The following SHOX variants were observed in gnomAD, a reference collection of about 807,000 sequenced individuals.
SHOX encodes the protein short stature homeobox protein.
Under a neutral mutation model 29.6 loss-of-function variants are expected in SHOX, and 12 were observed. That is an observed-to-expected ratio of 0.41 (90% CI 0.26 to 0.66). SHOX has a LOEUF of 0.66. Among genes scored for constraint, SHOX ranks in the 30% least tolerant of loss-of-function variants. The probability of loss-of-function intolerance (pLI) is 0.35; values close to 1 mark genes in which losing one functional copy is unlikely to be tolerated. For synonymous variants in SHOX, 214 were observed against 200.6 expected (o/e 1.07, Z -0.57); for missense variants, 499 against 437.7 (o/e 1.14, Z -1.25).
chrX:649,576 C>A lies in SHOX; in HGVS notation c.*4940C>A, dbSNP rs1045306162. On this transcript the variant is annotated 3_prime_UTR_variant, in exon 5 of 5. Transcript: ENST00000686671. ...ACAAGGTTCTTTTGAAAGTCACGTTCCTGCTTTCCCTGTGGCTTCCCGGTG... is the reference window on the plus strand; with the variant it reads ...ACAAGGTTCTTTTGAAAGTCACGTTACTGCTTTCCCTGTGGCTTCCCGGTG... Among the ~76,000 whole-genome samples the A allele has an allele frequency of 2.6e-5, 4 of 152,172 alleles. No individual in the cohort carries two copies. The highest frequency in any genetic ancestry group is 7.2e-5 in the African/African-American group (3 of 41,450).
At chrX:656,467 T>C (rs1466300928), downstream of SHOX, among the ~76,000 whole-genome samples, 1 of 152,016 alleles carries the variant, frequency 6.6e-6, no homozygotes, top group Admixed American at 6.5e-5. Context: ...CCCGGTACTC[T>C]GGGAGGCTGA....
At position 651,408 on chromosome X, in the gene SHOX, A is replaced by G. The variant is rs1454955600; in HGVS notation, c.*6772A>G. On this transcript the variant is annotated 3_prime_UTR_variant, in exon 5 of 5. Transcript: ENST00000686671. ...GGGGTAGAAAAAAAACAAACAAACA[A>G]ACAGAAAAAAAAACCAAAAAAAACC... is the stretch of plus-strand genomic sequence containing the variant. 7.0e-6 allele frequency: 3 copies of G among 425,876 alleles called. No individual in the cohort carries two copies. The East Asian group carries it at 2.1e-4, about 30-fold the overall frequency. The allele number at this position is 425,876 out of a possible 1,614,324, so 26.4% of individuals were successfully genotyped here.
At chrX:636,265 AATATATAAACATAT>A (rs1294168158) in intron 2 of SHOX, among the ~76,000 whole-genome samples, 7 of 145,004 alleles carry the variant, frequency 4.8e-5, no homozygotes, top group Non-Finnish European at 1.0e-4. Flanking sequence ...TATAAACATA[AATATATAAACATAT>A]ATAATATATA....
At chrX:630,723 G>A (rs1348335718), upstream of SHOX, 1 of 775,164 alleles carries the variant, frequency 1.3e-6, no homozygotes, top group Admixed American at 2.4e-5. Context: ...AATTGCACCA[G>A]ACAGGCAGCG....
upstream of SHOX, chrX:630,760 G>T (rs375938368): frequency 2.3e-5 from 26 of 1,121,552 alleles, no homozygotes; most frequent in African/African-American, 1.9e-4. Context: ...AGGTCGCCGC[G>T]TATAAATAGT....
chrX:639,087 G>A (rs1452867434), intron 2 of SHOX, among the ~76,000 whole-genome samples: 3 of 152,224 alleles, frequency 2.0e-5, no homozygotes, highest in African/African-American at 7.2e-5. Context: ...TCAATACTGG[G>A]AGAGCAGAGG....
chrX:651,747 T>A (rs1054488925), downstream of SHOX, among the ~76,000 whole-genome samples: 18 of 151,722 alleles, frequency 1.2e-4, no homozygotes, highest in Middle Eastern at 3.4e-3. Context: ...CCCCCCAGCC[T>A]TAGATCGGGA....
In SHOX at chrX:648,706, G is replaced by A. The variant is rs2052999363; in HGVS notation, c.*4070G>A. On this transcript the variant is annotated 3_prime_UTR_variant, in exon 5 of 5. Coordinates refer to ENST00000686671, the MANE Select transcript of SHOX (RefSeq NM_000451.4). ...TGTCTGTGGACACTGGCTGCCTTTG[G>A]CTTTTCTCCTGCGAGAGAAGTTGGG... Among the ~76,000 whole-genome samples, 1 of 152,188 alleles carries A rather than the reference G, an allele frequency of 6.6e-6. No homozygotes were observed. Among genetic ancestry groups the A allele is most frequent in the Non-Finnish European group, 1.5e-5 (1 of 68,034 alleles).
chrX:635,833 TG>T (rs2052735641), intron 2 of SHOX, among the ~76,000 whole-genome samples: 1 of 148,246 alleles, frequency 6.7e-6, no homozygotes, highest in Non-Finnish European at 1.5e-5. Context: ...CTCCTGGTTC[TG>T]GGCAGGACAG....
rs373708382 is a variant in SHOX, at chrX:641,959, T to C, written c.633+872T>C. 1.2e-3 allele frequency among the ~76,000 whole-genome samples: 180 copies of C among 152,256 alleles called. 1 individual carries two copies. Among genetic ancestry groups the C allele is most frequent in the African/African-American group, 4.1e-3 (170 of 41,580 alleles). ...GGCCCCTGGCCCCTGGCTTGGGCTC[T>C]GCACCTCTGAGCTGGAGACACCCTA... On this transcript the variant is annotated intron_variant, in intron 4 of 4. Coordinates refer to ENST00000686671, the MANE Select transcript of SHOX (RefSeq NM_000451.4).
At chrX:631,676 CAT>C (rs2052652515) in intron 1 of SHOX, among the ~76,000 whole-genome samples, 1 of 152,222 alleles carries the variant, frequency 6.6e-6, no homozygotes, top group Non-Finnish European at 1.5e-5. Context: ...GGATTACAGG[CAT>C]GCACCACCAC....
At position 644,398 on chromosome X, in the gene SHOX, C is replaced by A; in HGVS notation, c.641C>A (p.Ala214Asp). 1 of 1,522,842 alleles carries A rather than the reference C, an allele frequency of 6.6e-7. No homozygotes were observed. Among genetic ancestry groups the A allele is most frequent in the African/African-American group, 1.4e-5 (1 of 70,744 alleles). The allele number at this position is 1,522,842 out of a possible 1,614,324, so 94.3% of individuals were successfully genotyped here. Reference sequence around the variant, plus strand: ...CCGGGTCCGCTCCCGCAGGTCCAGGCTCAGCTGCAGCTGGAAGGCGTGGCC... The same window carrying A: ...CCGGGTCCGCTCCCGCAGGTCCAGGATCAGCTGCAGCTGGAAGGCGTGGCC... ...ALRMPFQQVQAQLQLEGVAHA... is the reference protein window; with the variant it reads ...ALRMPFQQVQDQLQLEGVAHA... Residue 214 changes from alanine (A) to aspartate (D), a missense_variant, in exon 5 of 5, where the codon GCT (alanine) becomes GAT (aspartate). Transcript: ENST00000686671.
At chrX:643,313 G>GGCGGGAGAGGCTTGGGGACCTGGTGTC in intron 4 of SHOX, among the ~76,000 whole-genome samples, 1 of 103,242 alleles carries the variant, frequency 9.7e-6, no homozygotes, top group South Asian at 3.5e-4. Flanking sequence ...GATCTGGTGA[G>GGCGGGAGAGGCTTGGGGACCTGGTGTC]CCGGGAGAGG....
rs779751173 is a variant in SHOX at position 650,333 on chromosome X, C to T, written c.*5697C>T. Among the ~76,000 whole-genome samples, 6,516 of 134,394 alleles carry T rather than the reference C, an allele frequency of 0.048. 203 individuals carry two copies. Among genetic ancestry groups the T allele is most frequent in the East Asian group, 0.1 (460 of 4,412 alleles). The allele number at this position is 134,394 out of a possible 152,430, so 88.2% of individuals were successfully genotyped here. ...CCTGTCGTAGGAATGGCCTCTCCAT[C>T]CCGCCAAAGTCCAGCCAGGCCCCCG... On this transcript the variant is annotated 3_prime_UTR_variant, in exon 5 of 5. Transcript: ENST00000686671.
upstream of SHOX, chrX:630,736 T>TG (rs1012075006): frequency 6.7e-5 from 58 of 865,270 alleles, no homozygotes; most frequent in Admixed American, 1.1e-4. Flanking sequence ...AGGCAGCGCA[T>TG]GGGGGGCTGG....
chrX:636,947 A>AATATAT (rs909293156), intron 2 of SHOX, among the ~76,000 whole-genome samples: 2 of 78,956 alleles, frequency 2.5e-5, no homozygotes, highest in Non-Finnish European at 4.7e-5. Context: ...TTCATTTAAA[A>AATATAT]ATATATATAT....
chrX:648,965 C>CTTTCTGTTT lies in SHOX; in HGVS notation c.*4329_*4330insTTTCTGTTT, dbSNP rs1412905637. Among the ~76,000 whole-genome samples the CTTTCTGTTT allele has an allele frequency of 1.5e-5, 2 of 129,580 alleles. No homozygotes were observed. The highest frequency in any genetic ancestry group is 8.2e-5 in the Admixed American group (1 of 12,200). 85.0% of individuals were successfully genotyped at this position (129,580 alleles called of 152,430 possible). A position where few individuals can be genotyped will look rare whatever the true frequency, so the allele number is the denominator to read the frequency against. On this transcript the variant is annotated 3_prime_UTR_variant, in exon 5 of 5. Transcript: ENST00000686671. ...TTCTTTTCTTTCTTTCTGTTTCTTT[C>CTTTCTGTTT]CTTTTTATCTTTCTCTCTTTTTCTT... is the stretch of plus-strand genomic sequence containing the variant.
At chrX:626,220 A>G (rs1293568472), upstream of SHOX, among the ~76,000 whole-genome samples, 1 of 98,016 alleles carries the variant, frequency 1.0e-5, no homozygotes, top group Non-Finnish European at 2.1e-5. Context: ...CTTTCTCTGT[A>G]TCTCTATCTC....
At position 644,304 on chromosome X, in the gene SHOX, C is replaced by T. The variant is rs1441033116; in HGVS notation, c.634-87C>T. The T allele has an allele frequency of 2.8e-6, 4 of 1,415,746 alleles. No individual in the cohort carries two copies. The East Asian group carries it at 1.2e-4, about 41-fold the overall frequency. 87.7% of individuals were successfully genotyped at this position (1,415,746 alleles called of 1,614,324 possible). ...GCGACGCTCCCTAGGGGAGAAGAGGCACGTTGGAGGTTTCCGGGGGCGCGG... is the reference window on the plus strand; with the variant it reads ...GCGACGCTCCCTAGGGGAGAAGAGGTACGTTGGAGGTTTCCGGGGGCGCGG... On this transcript the variant is annotated intron_variant, in intron 4 of 4. Coordinates refer to ENST00000686671, the MANE Select transcript of SHOX (RefSeq NM_000451.4).
Sources: allele counts gnomAD v4.1 joint callset (sites outside exome capture counted in the v4.1 genomes callset), GRCh38; gene constraint gnomAD v4.1.1; transcripts MANE v1.5; gene names NCBI Gene and HGNC (gene_info 2026-07-23, HGNC 2026-07-21).